PHF11: variants seen among roughly 807,000 people sequenced by gnomAD.
PHF11 encodes the protein PHD finger protein 11.
In PHF11, 38 loss-of-function variants were observed where a neutral mutation model predicts 40.5. The ratio of observed to expected loss-of-function variants is 0.94; its 90% CI spans 0.72 to 1.23. The LOEUF (loss-of-function observed/expected upper bound fraction) is 1.23. Among genes scored for constraint, PHF11 ranks in the 50% most tolerant of loss-of-function variants. PHF11 has a pLI of 0.00. For missense variants in PHF11, 369 were observed against 392.4 expected, an observed-to-expected ratio of 0.94 and a Z score of 0.50; for synonymous variants, 127 against 138.2, an observed-to-expected ratio of 0.92 and a Z score of 0.57.
At position 49,520,941 on chromosome 13, in the gene PHF11, G is replaced by GTA; in HGVS notation, c.505+2_505+3dup. ...CAATTCCCGATCATCGCTCAAAGTG[G>GTA]TAAGTTTCTAAAATTTAGCACTGTG... On this transcript the variant is annotated splice_donor_variant, in intron 5 of 9. Coordinates refer to ENST00000378319, the MANE Select transcript of PHF11 (RefSeq NM_001040443.3). LOFTEE classifies it high-confidence loss of function. 2 of 1,575,324 alleles carry GTA rather than the reference G, an allele frequency of 1.3e-6. No individual in the cohort carries two copies. Among genetic ancestry groups the GTA allele is most frequent in the South Asian group, 2.3e-5 (2 of 86,482 alleles).
chr13:49,504,742 G>T (rs1467240943), intron 1 of PHF11, among the ~76,000 whole-genome samples: 2 of 151,940 alleles, frequency 1.3e-5, no homozygotes, highest in Admixed American at 6.6e-5. Context: ...GAACGGGCCA[G>T]GATGACAATC....
At chr13:49,527,900 A>G (rs1039502354) in intron 9 of PHF11, among the ~76,000 whole-genome samples, 1 of 151,862 alleles carries the variant, frequency 6.6e-6, no homozygotes, top group Non-Finnish European at 1.5e-5. Context: ...TAAGTTAACT[A>G]TACGTATGCA....
At chr13:49,526,179 A>AG in intron 8 of PHF11, 3 of 471,234 alleles carry the variant, frequency 6.4e-6, no homozygotes, top group South Asian at 4.9e-5. Flanking sequence ...AAAAAAAAAA[A>AG]AAAAAAAAAA....
At position 49,523,114 on chromosome 13, in the gene PHF11, C is replaced by T. The variant is rs956518729; in HGVS notation, c.571-61C>T. ...TCATTTAGTTATGCACAGCAAAAGA[C>T]TGGTTTTCATTTTATGCAATATTAA... On this transcript the variant is annotated intron_variant, in intron 6 of 9. Coordinates refer to ENST00000378319, the MANE Select transcript of PHF11 (RefSeq NM_001040443.3). The T allele has an allele frequency of 4.4e-6, 5 of 1,133,160 alleles. No individual in the cohort carries two copies. The South Asian group carries it at 4.9e-5, about 11-fold the overall frequency. The allele number at this position is 1,133,160 out of a possible 1,614,324, so 70.2% of individuals were successfully genotyped here.
intron 1 of PHF11, among the ~76,000 whole-genome samples, 191 bp from the exon 2 acceptor site, chr13:49,506,444 T>C (rs1958990853): frequency 6.6e-6 from 1 of 152,156 alleles, no homozygotes; most frequent in Non-Finnish European, 1.5e-5. Context: ...TTAATTCTTT[T>C]CTTCTATTAG....
intron 3 of PHF11, among the ~76,000 whole-genome samples, chr13:49,514,280 G>C (rs1175539099): frequency 6.6e-6 from 1 of 152,196 alleles, no homozygotes; most frequent in Non-Finnish European, 1.5e-5. Context: ...CCTGTGGTAG[G>C]TGTGTTACAT....
At position 49,524,234 on chromosome 13, in the gene PHF11, T is replaced by TA; in HGVS notation, c.769+19dup. 1 of 1,583,200 alleles carries TA rather than the reference T, an allele frequency of 6.3e-7. No individual in the cohort carries two copies. Among genetic ancestry groups the TA allele is most frequent in the East Asian group, 2.3e-5 (1 of 44,156 alleles). Reference sequence around the variant, plus strand: ...AGAATCAGGTACTGATGAAGAGCAATATTTCGAAGTATAGAGACTTCTCCC... The same window carrying TA: ...AGAATCAGGTACTGATGAAGAGCAATAATTTCGAAGTATAGAGACTTCTCCC... On this transcript the variant is annotated intron_variant, in intron 8 of 9. Coordinates refer to ENST00000378319, the MANE Select transcript of PHF11 (RefSeq NM_001040443.3).
chr13:49,513,050 A>C lies in PHF11; in HGVS notation c.217-9A>C. The C allele has an allele frequency of 7.2e-7, 1 of 1,395,198 alleles. No individual in the cohort carries two copies. Among genetic ancestry groups the C allele is most frequent in the South Asian group, 1.2e-5 (1 of 82,834 alleles). 86.4% of individuals were successfully genotyped at this position (1,395,198 alleles called of 1,614,324 possible). On this transcript the variant is annotated splice_polypyrimidine_tract_variant and intron_variant, in intron 2 of 9. Transcript: ENST00000378319. ...GTGCATACTCTGGATTTTTTTTTCCAATCTGCAGCTGTATTCTTCAGGACT... is the reference window on the plus strand; with the variant it reads ...GTGCATACTCTGGATTTTTTTTTCCCATCTGCAGCTGTATTCTTCAGGACT...
At chr13:49,513,814 A>G (rs1959112356) in intron 3 of PHF11, among the ~76,000 whole-genome samples, 1 of 152,112 alleles carries the variant, frequency 6.6e-6, no homozygotes, top group Non-Finnish European at 1.5e-5. Flanking sequence ...GTGGCTTGAT[A>G]ATGTCATCAG....
intron 1 of PHF11, among the ~76,000 whole-genome samples, chr13:49,502,449 T>C (rs1440873976): frequency 6.6e-6 from 1 of 152,252 alleles, no homozygotes; most frequent in African/African-American, 2.4e-5. Context: ...AAATATTCTG[T>C]ATATCAAAGA....
chr13:49,526,929 CA>C (rs1959321315), intron 9 of PHF11, among the ~76,000 whole-genome samples: 2 of 152,052 alleles, frequency 1.3e-5, no homozygotes, highest in African/African-American at 4.8e-5. Flanking sequence ...TATGATAAAC[CA>C]TCCCTCCGCT....
At chr13:49,511,272 T>A (rs1230900284) in intron 2 of PHF11, among the ~76,000 whole-genome samples, 1 of 152,014 alleles carries the variant, frequency 6.6e-6, no homozygotes, top group African/African-American at 2.4e-5. Context: ...AGCATCTGTA[T>A]ATGAGTCTTT....
intron 1 of PHF11, chr13:49,496,316 T>C: frequency 1.1e-6 from 1 of 903,208 alleles, no homozygotes. Flanking sequence ...CCAGGCCAGT[T>C]CCACAGGTGG....
Position 49,528,623 on chromosome 13 carries a change from T to A in PHF11, c.954T>A (p.Asp318Glu). Residue 318 changes from aspartate (D) to glutamate (E), a missense_variant, in exon 10 of 10, where the codon GAT becomes GAA. Asp to Glu is a conservative substitution (Grantham distance 45). Coordinates refer to ENST00000378319, the MANE Select transcript of PHF11 (RefSeq NM_001040443.3). ...TGTGCTCTTTTCAAGAAAATAGAGA[T>A]CTTATGTCAAGTTCTACATCAATAT... ...QTLCSFQENR[D>E]LMSSSTSISS... 1 of 1,610,622 alleles carries A rather than the reference T, an allele frequency of 6.2e-7. No homozygotes were observed. Among genetic ancestry groups the A allele is most frequent in the South Asian group, 1.1e-5 (1 of 90,822 alleles).
Position 49,525,979 on chromosome 13 carries a change from GCC to G in PHF11, c.770-407_770-406del, listed in dbSNP as rs200578034. 3,222 of 325,078 alleles carry G rather than the reference GCC, an allele frequency of 9.9e-3. 114 individuals carry two copies. The highest frequency in any genetic ancestry group is 0.064 in the African/African-American group (2,906 of 45,200). 20.1% of individuals were successfully genotyped at this position (325,078 alleles called of 1,614,324 possible). A position where few individuals can be genotyped will look rare whatever the true frequency, so the allele number is the denominator to read the frequency against. On this transcript the variant is annotated intron_variant, in intron 8 of 9. Coordinates refer to ENST00000378319, the MANE Select transcript of PHF11 (RefSeq NM_001040443.3). Reference sequence around the variant, plus strand: ...TGGTCAGCAGTTCGAGACCAGCCTGGCCAACATGGCAAAACCCTGTCTCTACT... The same window carrying G: ...TGGTCAGCAGTTCGAGACCAGCCTGGAACATGGCAAAACCCTGTCTCTACT...
intron 9 of PHF11, among the ~76,000 whole-genome samples, chr13:49,527,998 T>C (rs1378626960): frequency 6.6e-6 from 1 of 152,246 alleles, no homozygotes; most frequent in Non-Finnish European, 1.5e-5. Context: ...CTATTTGTTA[T>C]TTATAAAGCC....
chr13:49,513,539 C>T (rs141912371), intron 3 of PHF11, among the ~76,000 whole-genome samples: 2,233 of 152,118 alleles, frequency 0.015, 55 homozygotes, highest in East Asian at 0.064. Flanking sequence ...CCATGTTGGC[C>T]AGGCTGGTCG....
rs1959190724 is a variant in PHF11, at chr13:49,522,036, T to C, written c.506-7T>C. 8 of 1,391,302 alleles carry C rather than the reference T, an allele frequency of 5.8e-6. No individual in the cohort carries two copies. Among genetic ancestry groups the C allele is most frequent in the Non-Finnish European group, 8.2e-6 (8 of 978,760 alleles). 86.2% of individuals were successfully genotyped at this position (1,391,302 alleles called of 1,614,324 possible). The stretch of plus-strand genomic sequence containing the variant: ...GATTCCAATTTTTAAATGGTTTATA[T>C]TTTTAGCTAAATTTTCAGGAGTGAA... On this transcript the variant is annotated splice_region_variant and splice_polypyrimidine_tract_variant and intron_variant, in intron 5 of 9. Transcript: ENST00000378319.
chr13:49,526,854 T>C (rs1311022169), intron 9 of PHF11, among the ~76,000 whole-genome samples: 1 of 152,144 alleles, frequency 6.6e-6, no homozygotes, highest in Non-Finnish European at 1.5e-5. Flanking sequence ...TATTTTGGCC[T>C]GTGTGTGGCC....
Sources: allele counts gnomAD v4.1 joint callset (sites outside exome capture counted in the v4.1 genomes callset), GRCh38; gene constraint gnomAD v4.1.1; transcripts MANE v1.5; gene names NCBI Gene and HGNC (gene_info 2026-07-23, HGNC 2026-07-21).